The following SEMA3E variants were observed in gnomAD, a reference collection of about 807,000 sequenced individuals.
SEMA3E encodes semaphorin-3E.
SEMA3E carries 49 observed loss-of-function variants against 93.6 expected under a neutral mutation model. The ratio of observed to expected loss-of-function variants is 0.52; its 90% CI spans 0.42 to 0.66. The LOEUF (loss-of-function observed/expected upper bound fraction) is 0.66. SEMA3E is among the 30% of genes least tolerant of loss of function. The probability of loss-of-function intolerance (pLI) is 0.00; values close to 1 mark genes in which losing one functional copy is unlikely to be tolerated. For synonymous variants in SEMA3E, 363 were observed against 330.7 expected (o/e 1.10, Z -1.06); for missense variants, 906 against 964.8 (o/e 0.94, Z 0.81).
At chr7:83,602,918 T>C (rs1334595548) in intron 1 of SEMA3E, among the ~76,000 whole-genome samples, 1 of 152,204 alleles carries the variant, frequency 6.6e-6, no homozygotes, top group East Asian at 1.9e-4. Context: ...ACATCATAAT[T>C]GTCTTAATAG....
chr7:83,426,127 T>C (rs1278265714), intron 4 of SEMA3E, among the ~76,000 whole-genome samples: 4 of 152,170 alleles, frequency 2.6e-5, no homozygotes, highest in Non-Finnish European at 5.9e-5. Flanking sequence ...CCAGTGGGAA[T>C]TTGTTTAAAT....
rs143290786 is a variant in SEMA3E at position 83,442,385 on chromosome 7, G to A, written c.457-23902C>T. On this transcript the variant is annotated intron_variant, in intron 4 of 16. Coordinates refer to ENST00000643230, the MANE Select transcript of SEMA3E (RefSeq NM_012431.3). ...CACTGGACTGAAGAGATGTTTACCA[G>A]ACTCAGTTCTGTTTGGAAACAAGGC... 7.9e-5 allele frequency among the ~76,000 whole-genome samples: 12 copies of A among 152,226 alleles called. No individual in the cohort carries two copies. In the East Asian group the frequency reaches 2.3e-3, roughly 29 times the overall value.
chr7:83,570,720 A>T (rs905915203), intron 1 of SEMA3E, among the ~76,000 whole-genome samples: 2 of 151,880 alleles, frequency 1.3e-5, no homozygotes, highest in Non-Finnish European at 2.9e-5. Context: ...AGAAGTCCAT[A>T]CAAAAGACCA....
chr7:83,504,703 C>G (rs1014272822), intron 1 of SEMA3E, among the ~76,000 whole-genome samples: 9 of 151,956 alleles, frequency 5.9e-5, no homozygotes, highest in Non-Finnish European at 1.2e-4. Flanking sequence ...GATTTACTAT[C>G]CAGAAATCCC....
intron 1 of SEMA3E, among the ~76,000 whole-genome samples, chr7:83,508,761 TTC>T (rs1461617175): frequency 6.6e-6 from 1 of 152,182 alleles, no homozygotes; most frequent in Non-Finnish European, 1.5e-5. Context: ...TTTAGCACAT[TTC>T]TCTTAGTAAA....
At chr7:83,534,629 C>G (rs750404691) in intron 1 of SEMA3E, among the ~76,000 whole-genome samples, 5 of 152,040 alleles carry the variant, frequency 3.3e-5, no homozygotes, top group Non-Finnish European at 5.9e-5. Flanking sequence ...AAACTATGGC[C>G]CATGGGACAA....
rs191430816 is a variant in SEMA3E at position 83,387,145 on chromosome 7, C to T, written c.1668-95G>A. The T allele has an allele frequency of 3.3e-5, 32 of 982,572 alleles. 1 individual carries two copies. Among genetic ancestry groups the T allele is most frequent in the African/African-American group, 2.8e-4 (17 of 61,666 alleles). 60.9% of individuals were successfully genotyped at this position (982,572 alleles called of 1,614,324 possible). On this transcript the variant is annotated intron_variant, in intron 14 of 16. Transcript: ENST00000643230. Reference sequence around the variant, plus strand: ...CATTTCATATACAAGTAGTATTCTGCTACTGAAAAAAATGATCATTCATAT... The same window carrying T: ...CATTTCATATACAAGTAGTATTCTGTTACTGAAAAAAATGATCATTCATAT...
chr7:83,639,376 C>A (rs1432756061), intron 1 of SEMA3E, among the ~76,000 whole-genome samples: 1 of 151,890 alleles, frequency 6.6e-6, no homozygotes, highest in Non-Finnish European at 1.5e-5. Flanking sequence ...AGCAGTAGCT[C>A]TGAACCTTCT....
At chr7:83,431,991 T>G (rs1788893757) in intron 4 of SEMA3E, among the ~76,000 whole-genome samples, 1 of 150,992 alleles carries the variant, frequency 6.6e-6, no homozygotes, top group Non-Finnish European at 1.5e-5. Context: ...GGAATCCAGC[T>G]ACCATGTTAA....
chr7:83,622,434 G>T (rs1045474586), intron 1 of SEMA3E, among the ~76,000 whole-genome samples: 2 of 152,142 alleles, frequency 1.3e-5, no homozygotes, highest in African/African-American at 2.4e-5. Flanking sequence ...CTTCCTCAAA[G>T]ATTTAGAACC....
chr7:83,627,055 A>T (rs1182318489), intron 1 of SEMA3E, among the ~76,000 whole-genome samples: 2 of 152,198 alleles, frequency 1.3e-5, no homozygotes, highest in Non-Finnish European at 1.5e-5. Context: ...ATTTGATTGC[A>T]CTGTGGTCTG....
At chr7:83,611,957 T>A (rs1160845715) in intron 1 of SEMA3E, among the ~76,000 whole-genome samples, 1 of 152,124 alleles carries the variant, frequency 6.6e-6, no homozygotes, top group Non-Finnish European at 1.5e-5. Flanking sequence ...ATTGCCTTGC[T>A]GCTTTCATCT....
intron 14 of SEMA3E, among the ~76,000 whole-genome samples, chr7:83,391,566 T>C (rs1788017832): frequency 6.6e-6 from 1 of 151,680 alleles, no homozygotes; most frequent in Non-Finnish European, 1.5e-5. Context: ...AAATGTCCTC[T>C]CGAAGCATAA....
chr7:83,648,199 A>C (rs1418820011), intron 1 of SEMA3E, among the ~76,000 whole-genome samples: 1 of 152,038 alleles, frequency 6.6e-6, no homozygotes, highest in East Asian at 1.9e-4. Context: ...AGACAAAAAT[A>C]ACATCTCTAA....
At chr7:83,469,818 G>A (rs1789855722) in intron 2 of SEMA3E, among the ~76,000 whole-genome samples, 1 of 151,788 alleles carries the variant, frequency 6.6e-6, no homozygotes, top group African/African-American at 2.4e-5. Context: ...TTTTTTTGAG[G>A]TGGATTCTGG....
intron 1 of SEMA3E, among the ~76,000 whole-genome samples, chr7:83,517,243 CTT>C (rs1338790101): frequency 1.3e-5 from 2 of 152,116 alleles, no homozygotes; most frequent in African/African-American, 4.8e-5. Context: ...GCATGAAAGA[CTT>C]TGCTCTATGG....
At chr7:83,486,342 C>T (rs1214189742) in intron 2 of SEMA3E, among the ~76,000 whole-genome samples, 6 of 152,124 alleles carry the variant, frequency 3.9e-5, no homozygotes. Context: ...CACTCCCATC[C>T]TTAACTATGC....
chr7:83,564,102 C>A (rs1584333708), intron 1 of SEMA3E, among the ~76,000 whole-genome samples: 2 of 152,148 alleles, frequency 1.3e-5, no homozygotes, highest in East Asian at 3.9e-4. Context: ...AATATTGTAT[C>A]CAAATGGGCA....
At chr7:83,411,682 C>T (rs1394332276) in intron 5 of SEMA3E, among the ~76,000 whole-genome samples, 1 of 151,920 alleles carries the variant, frequency 6.6e-6, no homozygotes, top group Non-Finnish European at 1.5e-5. Context: ...TACATAGTCT[C>T]TAATTAAATT....
Sources: gnomAD v4.1 joint callset for allele counts (sites outside exome capture counted in the v4.1 genomes callset) on GRCh38, gnomAD v4.1.1 for gene constraint, MANE v1.5 for transcripts, NCBI Gene and HGNC (gene_info 2026-07-23, HGNC 2026-07-21) for gene names.